Variants in WDR59 observed in about 807,000 individuals in gnomAD.
WDR59 encodes the protein GATOR2 complex protein WDR59.
WDR59 carries 100 observed loss-of-function variants against 131.2 expected under a neutral mutation model. That is an observed-to-expected ratio of 0.76 (90% CI 0.65 to 0.90). WDR59 has a LOEUF of 0.90. WDR59 is among the 40% of genes least tolerant of loss of function. WDR59 has a pLI of 0.00. For synonymous variants in WDR59, 601 were observed against 466.2 expected (o/e 1.29, Z -3.72); for missense variants, 1,203 against 1,262.2 (o/e 0.95, Z 0.71).
intron 25 of WDR59, among the ~76,000 whole-genome samples, chr16:74,881,217 A>G (rs1383345297): frequency 1.3e-5 from 2 of 152,334 alleles, no homozygotes; most frequent in South Asian, 2.1e-4. Context: ...TTGAATCCCA[A>G]TGAAACTAAC....
At chr16:74,881,195 C>T (rs5001474) in intron 25 of WDR59, among the ~76,000 whole-genome samples, 2,292 of 152,244 alleles carry the variant, frequency 0.015, 42 homozygotes, top group African/African-American at 0.05. Context: ...CCATGAGCCC[C>T]GTCTGTAAAT....
rs1344841576 is a variant in WDR59, at chr16:74,929,644, A to G, written c.652-5641T>C. Among the ~76,000 whole-genome samples, 3 of 152,160 alleles carry G rather than the reference A, an allele frequency of 2.0e-5. No individual in the cohort carries two copies. The East Asian group carries it at 5.8e-4, about 29-fold the overall frequency. On this transcript the variant is annotated intron_variant, in intron 8 of 25. Coordinates refer to ENST00000262144, the MANE Select transcript of WDR59 (RefSeq NM_030581.4). ...GGTGATTCCTCAAAAAACAAAGAAT[A>G]GAACTATCATATGATCCAGCAACCC...
rs2032321763 is a variant in WDR59, at chr16:74,942,661, C to T, written c.534+77G>A. On this transcript the variant is annotated intron_variant, in intron 7 of 25. Transcript: ENST00000262144. ...GTTCCCCAGACTCTCAAGCCAAGTCCTGGCACTCATAAAATCATCTTCACA... is the reference window on the plus strand; with the variant it reads ...GTTCCCCAGACTCTCAAGCCAAGTCTTGGCACTCATAAAATCATCTTCACA... 3 of 1,448,400 alleles carry T rather than the reference C, an allele frequency of 2.1e-6. No individual in the cohort carries two copies. The South Asian group carries it at 3.5e-5, about 17-fold the overall frequency. 89.7% of individuals were successfully genotyped at this position (1,448,400 alleles called of 1,614,324 possible). A position where few individuals can be genotyped will look rare whatever the true frequency, so the allele number is the denominator to read the frequency against.
chr16:74,899,686 A>G, intron 18 of WDR59: 1 of 1,289,104 alleles, frequency 7.8e-7, no homozygotes, highest in Non-Finnish European at 1.0e-6. Flanking sequence ...GCATTTGCAC[A>G]GCGCACAGTA....
At chr16:74,936,927 G>A (rs1172432420) in intron 8 of WDR59, among the ~76,000 whole-genome samples, 2 of 152,158 alleles carry the variant, frequency 1.3e-5, no homozygotes, top group East Asian at 3.8e-4. Context: ...AACCCTAAGA[G>A]ATTTACAAAC....
intron 1 of WDR59, among the ~76,000 whole-genome samples, chr16:74,977,780 A>C (rs541835909): frequency 3.1e-4 from 47 of 152,362 alleles, no homozygotes; most frequent in African/African-American, 1.1e-3. Flanking sequence ...AACTGGAAAA[A>C]AACTAAATGT....
chr16:74,918,381 T>C (rs1348764546), intron 10 of WDR59, among the ~76,000 whole-genome samples: 2 of 152,206 alleles, frequency 1.3e-5, no homozygotes, highest in Non-Finnish European at 2.9e-5. Context: ...TAAAGAGCGA[T>C]GCTGGGATTT....
intron 6 of WDR59, 115 bp from the exon 7 acceptor site, chr16:74,942,941 C>G: frequency 1.1e-6 from 1 of 883,134 alleles, no homozygotes; most frequent in Non-Finnish European, 1.8e-6. Flanking sequence ...CAGAACCCTT[C>G]AAGTTTCTGT....
rs545126945 is a variant in WDR59 at position 74,892,522 on chromosome 16, C to A, written c.2044G>T (p.Ala682Ser). The A allele has an allele frequency of 1.2e-6, 2 of 1,613,822 alleles. No homozygotes were observed. Among genetic ancestry groups the A allele is most frequent in the South Asian group, 1.1e-5 (1 of 91,058 alleles). ...DIQETCQKNA[A>S]SALLVGRKDL... ...TTTCTTCCAACGAGCAAGGCAGAGG[C>A]GGCATTCTTCTGACATGTTTCCTGA... is the stretch of plus-strand genomic sequence containing the variant. The change falls in exon 20 of 26, where the codon GCC becomes TCC. Residue 682 changes from alanine to serine, a missense_variant. By Grantham distance (99) the Ala-to-Ser change is moderately conservative. Coordinates refer to ENST00000262144, the MANE Select transcript of WDR59 (RefSeq NM_030581.4).
chr16:74,894,587 T>C (rs972180959), intron 18 of WDR59, among the ~76,000 whole-genome samples: 1 of 152,146 alleles, frequency 6.6e-6, no homozygotes, highest in Non-Finnish European at 1.5e-5. Context: ...TTCCATTTTA[T>C]TGCCAGAAGT....
At chr16:74,928,557 G>A (rs1226968152) in intron 8 of WDR59, among the ~76,000 whole-genome samples, 1 of 151,904 alleles carries the variant, frequency 6.6e-6, no homozygotes, top group East Asian at 1.9e-4. Context: ...TACCTTACGT[G>A]GGATAGCTAC....
At chr16:74,945,851 T>A (rs1462764775) in intron 6 of WDR59, among the ~76,000 whole-genome samples, 1 of 147,308 alleles carries the variant, frequency 6.8e-6, no homozygotes, top group Non-Finnish European at 1.5e-5. Flanking sequence ...AGAGTTTTGC[T>A]CTTGTTGCCC....
intron 4 of WDR59, among the ~76,000 whole-genome samples, chr16:74,951,155 G>A (rs542518640): frequency 1.4e-4 from 14 of 98,718 alleles, no homozygotes; most frequent in Non-Finnish European, 2.5e-4. Flanking sequence ...GTGAGACTTC[G>A]TCTCAAAAAA....
At chr16:74,895,104 G>C (rs1002851736) in intron 18 of WDR59, among the ~76,000 whole-genome samples, 1 of 152,116 alleles carries the variant, frequency 6.6e-6, no homozygotes, top group African/African-American at 2.4e-5. Flanking sequence ...ACTTCCTATA[G>C]GGTTATCATG....
At chr16:74,965,375 T>C (rs939339805) in intron 2 of WDR59, among the ~76,000 whole-genome samples, 1 of 152,182 alleles carries the variant, frequency 6.6e-6, no homozygotes, top group African/African-American at 2.4e-5. Flanking sequence ...TAAGCCAAAC[T>C]GAATAAATGT....
chr16:74,889,574 G>C (rs1964939785), intron 21 of WDR59, 129 bp downstream of exon 21: 2 of 677,460 alleles, frequency 3.0e-6, no homozygotes, highest in African/African-American at 3.6e-5. Flanking sequence ...GCACTGAAAG[G>C]AAAGATCCTA....
chr16:74,927,820 G>C (rs182152797), intron 8 of WDR59, among the ~76,000 whole-genome samples: 231 of 151,344 alleles, frequency 1.5e-3, no homozygotes, highest in African/African-American at 5.3e-3. Flanking sequence ...CATGTCACAT[G>C]AGATGTGTAT....
chr16:74,947,065 G>A (rs1034060037), intron 6 of WDR59, among the ~76,000 whole-genome samples: 1 of 152,194 alleles, frequency 6.6e-6, no homozygotes, highest in Non-Finnish European at 1.5e-5. Flanking sequence ...AGTAGCCCCA[G>A]TTGAGAATTC....
chr16:74,874,496 G>T, intron 25 of WDR59, 52 bp from the exon 26 acceptor site: 1 of 1,534,318 alleles, frequency 6.5e-7, no homozygotes, highest in South Asian at 1.2e-5. Flanking sequence ...GTTTAGTTCT[G>T]AAAAAGGAAA....
Sources: allele counts gnomAD v4.1 joint callset (sites outside exome capture counted in the v4.1 genomes callset), GRCh38; gene constraint gnomAD v4.1.1; transcripts MANE v1.5; gene names NCBI Gene and HGNC (gene_info 2026-07-23, HGNC 2026-07-21).